The following ZNF142 variants were observed in gnomAD, a reference collection of about 807,000 sequenced individuals.
The protein encoded by ZNF142 is zinc finger protein 142.
A neutral mutation model predicts 132.1 loss-of-function variants in ZNF142; 96 were observed. The ratio of observed to expected loss-of-function variants is 0.73; its 90% CI spans 0.62 to 0.86. The LOEUF (loss-of-function observed/expected upper bound fraction) is 0.86. Ranked by LOEUF, ZNF142 falls within the 40% of genes least tolerant of loss-of-function variation. The pLI, the probability that ZNF142 is intolerant of heterozygous loss-of-function variation, is 0.00. For synonymous variants in ZNF142, 842 were observed against 890.1 expected (o/e 0.95, Z 0.96); for missense variants, 2,163 against 2,336.2 (o/e 0.93, Z 1.53).
In ZNF142 at chr2:218,634,476, C is replaced by T; in HGVS notation, c.*3863G>A. 3.1e-6 allele frequency: 5 copies of T among 1,613,730 alleles called. No homozygotes were observed. Among genetic ancestry groups the T allele is most frequent in the Non-Finnish European group, 4.2e-6 (5 of 1,179,746 alleles). ...CCCTCAGTGGCCATGAATATGCAGA[C>T]TGCAGGGCTTGAAATGGACATCTGT... On this transcript the variant is annotated 3_prime_UTR_variant, in exon 11 of 11. Coordinates refer to ENST00000411696, the MANE Select transcript of ZNF142 (RefSeq NM_001379659.1). This position sits in a 1 kb window ranked among gnomAD's most constrained non-coding sequence, Gnocchi z 4.0.
At position 218,643,018 on chromosome 2, in the gene ZNF142, C is replaced by A. The variant is rs1254043275; in HGVS notation, c.4098G>T (p.Gly1366=). ...CCCCACACTGTAGATGGGGCCGGGG[C>A]CCACGGGCTGGGGCTGCAGTGGGGT... ...RRHPTAAPAR[G]PRPHLQCGDC... The change falls in exon 9 of 11, where the codon GGG becomes GGT. Residue 1366 remains glycine (G), a synonymous_variant. Coordinates refer to ENST00000411696, the MANE Select transcript of ZNF142 (RefSeq NM_001379659.1). 1 of 1,604,304 alleles carries A rather than the reference C, an allele frequency of 6.2e-7. No individual in the cohort carries two copies. The highest frequency in any genetic ancestry group is 8.5e-7 in the Non-Finnish European group (1 of 1,174,884).
chr2:218,647,422 C>CTAAAAAAAAAAAAAAAA (rs1697833718), intron 7 of ZNF142, among the ~76,000 whole-genome samples: 1 of 38,650 alleles, frequency 2.6e-5, no homozygotes, highest in Non-Finnish European at 4.7e-5. Flanking sequence ...GACTCCATCT[C>CTAAAAAAAAAAAAAAAA]AAAAAAAAAA....
chr2:218,644,311 T>A lies in ZNF142; in HGVS notation c.2805A>T (p.Glu935Asp). ...PLGLEGPDGL[E>D]GPELSSFEGI... ...CTTCAAAGCTAGATAGCTCTGGTCCTTCCAGTCCATCTGGCCCTTCCAGTC... is the reference window on the plus strand; with the variant it reads ...CTTCAAAGCTAGATAGCTCTGGTCCATCCAGTCCATCTGGCCCTTCCAGTC... The change falls in exon 9 of 11, where the codon GAA (glutamate) becomes GAT (aspartate). Residue 935 changes from glutamate (E) to aspartate (D), a missense_variant. Physicochemically the swap from Glu to Asp is conservative, Grantham distance 45. Transcript: ENST00000411696. The surrounding 1 kb of genome is among the most constrained non-coding windows in gnomAD (Gnocchi z 4.6). 1 of 1,614,114 alleles carries A rather than the reference T, an allele frequency of 6.2e-7. No individual in the cohort carries two copies. The highest frequency in any genetic ancestry group is 2.2e-5 in the East Asian group (1 of 44,882).
rs1182575613 is a variant in ZNF142, at chr2:218,644,908, G to T, written c.2208C>A (p.His736Gln). The change falls in exon 9 of 11, where the codon CAC (histidine) becomes CAA (glutamine). Residue 736 changes from histidine to glutamine, a missense_variant. Physicochemically the swap from His to Gln is conservative, Grantham distance 24. Around this residue, in one of 7 missense-constraint regions of ZNF142, gnomAD observed 749 missense variants for 830.3 expected, o/e 0.90. Coordinates refer to ENST00000411696, the MANE Select transcript of ZNF142 (RefSeq NM_001379659.1). This position sits in a 1 kb window ranked among gnomAD's most constrained non-coding sequence, Gnocchi z 4.6. ...ELQKHMASQH[H>Q]PGTPAPLYPC... is the part of the protein sequence containing the mutation. ...GGTAGAGTGGGGCCGGTGTGCCAGG[G>T]TGGTGCTGGGAAGCCATGTGCTTCT... The T allele has an allele frequency of 1.9e-6, 3 of 1,613,946 alleles. No homozygotes were observed. The African/African-American group carries it at 4.0e-5, about 22-fold the overall frequency.
At position 218,646,185 on chromosome 2, in the gene ZNF142, A is replaced by G; in HGVS notation, c.2037T>C (p.His679=). 6.2e-7 allele frequency: 1 copy of G among 1,613,646 alleles called. No individual in the cohort carries two copies. Among genetic ancestry groups the G allele is most frequent in the African/African-American group, 1.3e-5 (1 of 75,036 alleles). The change falls in exon 8 of 11, where the codon CAT becomes CAC. Residue 679 remains histidine, a synonymous_variant. Coordinates refer to ENST00000411696, the MANE Select transcript of ZNF142 (RefSeq NM_001379659.1). The part of the protein sequence containing the change: ...KHYLRVHMRK[H]AGDLRYQCNQ... Reference sequence around the variant, plus strand: ...GTGTGTTGTACCTGAGGTCCCCTGCATGTTTTCGCATGTGCACACGGAGGT... The same window carrying G: ...GTGTGTTGTACCTGAGGTCCCCTGCGTGTTTTCGCATGTGCACACGGAGGT...
At chr2:218,656,817 CTTTT>C (rs34530017) in intron 3 of ZNF142, among the ~76,000 whole-genome samples, 11 of 119,412 alleles carry the variant, frequency 9.2e-5, no homozygotes, top group Non-Finnish European at 8.6e-5. Flanking sequence ...CTCAGAAGTC[CTTTT>C]TTTTTTTTTT....
intron 10 of ZNF142, 88 bp downstream of exon 10, chr2:218,640,576 G>T: frequency 1.7e-6 from 2 of 1,193,326 alleles, no homozygotes; most frequent in Non-Finnish European, 2.5e-6. Flanking sequence ...TGTTGGCCCT[G>T]AATTGGAACA....
At position 218,659,498 on chromosome 2, in the gene ZNF142, C is replaced by G. The variant is rs1647447316; in HGVS notation, c.-491G>C. 1 of 152,312 alleles carries G rather than the reference C, an allele frequency of 6.6e-6. No individual in the cohort carries two copies. The highest frequency in any genetic ancestry group is 2.4e-5 in the African/African-American group (1 of 41,558). 9.4% of individuals were successfully genotyped at this position (152,312 alleles called of 1,614,324 possible). On this transcript the variant is annotated 5_prime_UTR_variant, in exon 1 of 11. Transcript: ENST00000411696. This position sits in a 1 kb window ranked among gnomAD's most constrained non-coding sequence, Gnocchi z 4.4. ...GGATATTGGGGATGTGGAAGCCACT[C>G]TCTCTTCCTCTTGCCGGCTGCCGGG...
intron 6 of ZNF142, 91 bp downstream of exon 6, chr2:218,650,268 T>C: frequency 6.5e-7 from 1 of 1,528,464 alleles, no homozygotes; most frequent in Non-Finnish European, 9.0e-7. Context: ...GAACCAAAGC[T>C]CAGAAAACAA....
intron 8 of ZNF142, 91 bp from the exon 9 acceptor site, chr2:218,645,155 G>T: frequency 1.3e-6 from 2 of 1,491,402 alleles, no homozygotes; most frequent in Non-Finnish European, 1.8e-6. Context: ...GCCAGGCTCT[G>T]CACTCAGTAT....
chr2:218,638,379 G>A lies in ZNF142; in HGVS notation c.5624C>T (p.Pro1875Leu), dbSNP rs1171818144. 6.5e-6 allele frequency: 10 copies of A among 1,529,276 alleles called. No individual in the cohort carries two copies. Among genetic ancestry groups the A allele is most frequent in the Non-Finnish European group, 8.8e-6 (10 of 1,136,378 alleles). The allele number at this position is 1,529,276 out of a possible 1,614,324, so 94.7% of individuals were successfully genotyped here. ...AGTGTGGGGAGCGGCAGGAGCAGGA[G>A]GGCTGGGATCCTCCAGCTGCACATC... ...LHDVQLEDPS[P>L]PAPAAPHTGP... The change falls in exon 11 of 11, where the codon CCT becomes CTT. Residue 1875 changes from proline to leucine, a missense_variant. By Grantham distance (98) the Pro-to-Leu change is moderately conservative. Around this residue, in one of 7 missense-constraint regions of ZNF142, gnomAD observed 325 missense variants for 367.8 expected, o/e 0.88. Coordinates refer to ENST00000411696, the MANE Select transcript of ZNF142 (RefSeq NM_001379659.1).
rs1489783697 is a variant in ZNF142, at chr2:218,644,129, G to C, written c.2987C>G (p.Pro996Arg). 1 of 1,614,102 alleles carries C rather than the reference G, an allele frequency of 6.2e-7. No homozygotes were observed. The highest frequency in any genetic ancestry group is 8.5e-7 in the Non-Finnish European group (1 of 1,180,004). The change falls in exon 9 of 11, where the codon CCA becomes CGA. Residue 996 changes from proline (P) to arginine (R), a missense_variant. Physicochemically the swap from Pro to Arg is moderately radical, Grantham distance 103. Transcript: ENST00000411696. This position sits in a 1 kb window ranked among gnomAD's most constrained non-coding sequence, Gnocchi z 4.6. ...TPPAETAPLP[P>R]LPESESLLKA... is the part of the protein sequence containing the mutation. ...GAGTAATGACTCTGACTCAGGTAAT[G>C]GGGGCAAGGGTGCTGTCTCAGCAGG...
At position 218,643,150 on chromosome 2, in the gene ZNF142, G is replaced by A. The variant is rs775092227; in HGVS notation, c.3966C>T (p.His1322=). 4.0e-5 allele frequency: 65 copies of A among 1,614,110 alleles called. No individual in the cohort carries two copies. Among genetic ancestry groups the A allele is most frequent in the Non-Finnish European group, 5.3e-5 (62 of 1,180,036 alleles). Residue 1322 remains histidine (H), a synonymous_variant, in exon 9 of 11, where the codon CAC becomes CAT. Transcript: ENST00000411696. ...SCQQERALRT[H]QIRGCPLEES... ...CCTCGAGGGGGCAGCCCCGGATCTG[G>A]TGAGTCCTCAGAGCCCGTTCCTGCT...
At chr2:218,657,251 C>T (rs866074208) in intron 3 of ZNF142, among the ~76,000 whole-genome samples, 1 of 152,144 alleles carries the variant, frequency 6.6e-6, no homozygotes, top group Admixed American at 6.5e-5. Context: ...GATCTCTGAA[C>T]CAGATGATGT....
Position 218,642,517 on chromosome 2 carries a change from A to C in ZNF142, c.4599T>G (p.Cys1533Trp). Residue 1533 changes from cysteine (C) to tryptophan (W), a missense_variant, in exon 9 of 11, where the codon TGT (cysteine) becomes TGG (tryptophan). Around this residue, in one of 7 missense-constraint regions of ZNF142, gnomAD observed 809 missense variants for 801.7 expected, o/e 1.01. Coordinates refer to ENST00000411696, the MANE Select transcript of ZNF142 (RefSeq NM_001379659.1). This position sits in a 1 kb window ranked among gnomAD's most constrained non-coding sequence, Gnocchi z 4.6. ...TGGCAGGGCTGGGGCACAGCAACCC[A>C]CAGCGGGAACAGTGCAGGGGGCCCT... ...TTEGPLHCSR[C>W]GLLCPSPASL... is the part of the protein sequence containing the mutation. 2 of 1,607,976 alleles carry C rather than the reference A, an allele frequency of 1.2e-6. No homozygotes were observed. The highest frequency in any genetic ancestry group is 1.7e-6 in the Non-Finnish European group (2 of 1,176,180).
chr2:218,643,441 C>T lies in ZNF142; in HGVS notation c.3675G>A (p.Lys1225=). 2 of 1,614,246 alleles carry T rather than the reference C, an allele frequency of 1.2e-6. No homozygotes were observed. Among genetic ancestry groups the T allele is most frequent in the Non-Finnish European group, 8.5e-7 (1 of 1,180,042 alleles). The change falls in exon 9 of 11, where the codon AAG becomes AAA. Residue 1225 remains lysine, a synonymous_variant. Coordinates refer to ENST00000411696, the MANE Select transcript of ZNF142 (RefSeq NM_001379659.1). ...ALKKHRFEQG[K]FHCNSCPFLC... Reference sequence around the variant, plus strand: ...GGAATGGGCAGGAGTTGCAGTGAAACTTGCCCTGCTCAAAGCGGTGCTTCT... The same window carrying T: ...GGAATGGGCAGGAGTTGCAGTGAAATTTGCCCTGCTCAAAGCGGTGCTTCT...
At chr2:218,650,973 T>G (rs1937928070) in intron 5 of ZNF142, among the ~76,000 whole-genome samples, 1 of 147,906 alleles carries the variant, frequency 6.8e-6, no homozygotes, top group Non-Finnish European at 1.5e-5. Flanking sequence ...GTTCCTAAGT[T>G]CCTTTCTTTA....
chr2:218,636,043 C>A lies in ZNF142; in HGVS notation c.*2296G>T. 1 of 1,494,428 alleles carries A rather than the reference C, an allele frequency of 6.7e-7. No homozygotes were observed. Among genetic ancestry groups the A allele is most frequent in the Non-Finnish European group, 9.1e-7 (1 of 1,094,108 alleles). The allele number at this position is 1,494,428 out of a possible 1,614,324, so 92.6% of individuals were successfully genotyped here. Reference sequence around the variant, plus strand: ...TTATTGCATGTCCCCACATGGGAGGCAGTGTGGAACAGTACAAAGAATCCT... The same window carrying A: ...TTATTGCATGTCCCCACATGGGAGGAAGTGTGGAACAGTACAAAGAATCCT... On this transcript the variant is annotated 3_prime_UTR_variant, in exon 11 of 11. Coordinates refer to ENST00000411696, the MANE Select transcript of ZNF142 (RefSeq NM_001379659.1).
At chr2:218,648,490 A>C (rs1937642071) in intron 7 of ZNF142, 145 bp downstream of exon 7, 1 of 770,118 alleles carries the variant, frequency 1.3e-6, no homozygotes, top group Admixed American at 2.7e-5. Context: ...ATGACACTCA[A>C]CTTAAGGCTC....
Sources: allele counts gnomAD v4.1 joint callset (sites outside exome capture counted in the v4.1 genomes callset), GRCh38; gene constraint gnomAD v4.1.1; regional missense constraint gnomAD v4.1.1; non-coding constraint Gnocchi (gnomAD v3.1); transcripts MANE v1.5; gene names NCBI Gene and HGNC (gene_info 2026-07-23, HGNC 2026-07-21).